The following ALDH1L2 variants were observed in gnomAD, a reference collection of about 807,000 sequenced individuals.
ALDH1L2 encodes aldehyde dehydrogenase 1 family member L2.
In ALDH1L2, 91 loss-of-function variants were observed where a neutral mutation model predicts 111.0. That is an observed-to-expected ratio of 0.82 (90% CI 0.69 to 0.98). ALDH1L2 has a LOEUF of 0.98. Among genes scored for constraint, ALDH1L2 ranks in the 50% least tolerant of loss-of-function variants. The pLI, the probability that ALDH1L2 is intolerant of heterozygous loss-of-function variation, is 0.00. For synonymous variants in ALDH1L2, 374 were observed against 392.6 expected (o/e 0.95, Z 0.56); for missense variants, 995 against 1,126.8 (o/e 0.88, Z 1.67).
chr12:105,063,166 C>T lies in ALDH1L2; in HGVS notation c.787-144G>A, dbSNP rs1241216827. 7.1e-6 allele frequency: 7 copies of T among 991,292 alleles called. No homozygotes were observed. In the South Asian group the frequency reaches 1.3e-4, roughly 18 times the overall value. The allele number at this position is 991,292 out of a possible 1,614,324, so 61.4% of individuals were successfully genotyped here. The stretch of plus-strand genomic sequence containing the variant: ...GAGACACCACAATGGGAGAAACTGT[C>T]TCAAACATCCATAGAAATGACACAA... On this transcript the variant is annotated intron_variant, in intron 6 of 22. Transcript: ENST00000258494.
chr12:105,029,065 C>T (rs1316154018), intron 21 of ALDH1L2, among the ~76,000 whole-genome samples: 2 of 143,956 alleles, frequency 1.4e-5, no homozygotes, highest in Non-Finnish European at 3.0e-5. Context: ...ATTGCTCTGT[C>T]GCCTAGGCTG....
intron 12 of ALDH1L2, among the ~76,000 whole-genome samples, chr12:105,051,672 A>G (rs1161926960): frequency 6.6e-6 from 1 of 152,232 alleles, no homozygotes; most frequent in Non-Finnish European, 1.5e-5. Context: ...GTCAAGTAAC[A>G]GAAGACATAT....
chr12:105,081,891 T>G (rs1878351565), intron 1 of ALDH1L2, among the ~76,000 whole-genome samples: 1 of 152,236 alleles, frequency 6.6e-6, no homozygotes, highest in Non-Finnish European at 1.5e-5. Context: ...TTTTTAAATT[T>G]TAAAGATAAA....
chr12:105,038,260 TCACACACACACACACACAAACA>T (rs1300636678), intron 17 of ALDH1L2, 58 bp from the exon 18 acceptor site: 12 of 584,236 alleles, frequency 2.1e-5, no homozygotes, highest in Admixed American at 2.6e-5. Context: ...TCTCTCTCTC[TCACACACACACACACACAAACA>T]CACACACACA....
chr12:105,053,188 CAG>C (rs1019257662), intron 10 of ALDH1L2, among the ~76,000 whole-genome samples: 8 of 152,182 alleles, frequency 5.3e-5, no homozygotes, highest in Admixed American at 2.6e-4. Context: ...TCTTTCTTAA[CAG>C]ATAAAAGGTA....
At chr12:105,065,548 A>G (rs1592799740) in intron 5 of ALDH1L2, among the ~76,000 whole-genome samples, 192 bp from the exon 6 acceptor site, 1 of 152,258 alleles carries the variant, frequency 6.6e-6, no homozygotes, top group East Asian at 1.9e-4. Flanking sequence ...ATTAAAGGAA[A>G]ATAAAAAGCA....
intron 15 of ALDH1L2, among the ~76,000 whole-genome samples, chr12:105,046,435 G>A (rs142161055): frequency 6.6e-6 from 1 of 151,198 alleles, no homozygotes; most frequent in Non-Finnish European, 1.5e-5. Context: ...CATTTTGCAA[G>A]AATTGAATTG....
intron 10 of ALDH1L2, among the ~76,000 whole-genome samples, chr12:105,057,668 A>G (rs917948627): frequency 2.0e-5 from 3 of 152,246 alleles, no homozygotes; most frequent in South Asian, 2.1e-4. Context: ...CACATGTTGT[A>G]TGATTCTATT....
intron 22 of ALDH1L2, among the ~76,000 whole-genome samples, chr12:105,025,238 C>T (rs548466624): frequency 8.5e-5 from 13 of 152,302 alleles, no homozygotes; most frequent in African/African-American, 3.1e-4. Flanking sequence ...TTTAAGACTC[C>T]TGACCCCACA....
chr12:105,077,963 G>A (rs1334736194), intron 1 of ALDH1L2, among the ~76,000 whole-genome samples: 3 of 152,148 alleles, frequency 2.0e-5, no homozygotes, highest in Non-Finnish European at 4.4e-5. Flanking sequence ...AGACCCTGAG[G>A]TGCCTAACAC....
intron 15 of ALDH1L2, among the ~76,000 whole-genome samples, chr12:105,046,305 C>T (rs1310750780): frequency 4.4e-5 from 6 of 137,904 alleles, no homozygotes; most frequent in Non-Finnish European, 9.1e-5. Flanking sequence ...GGCACGATCT[C>T]GGCTCATTGC....
At chr12:105,044,348 C>A (rs7313946) in intron 15 of ALDH1L2, among the ~76,000 whole-genome samples, 55,847 of 151,482 alleles carry the variant, frequency 0.37, 10,558 homozygotes, top group South Asian at 0.53. Flanking sequence ...AAAAACGTGA[C>A]GCTTTTAAGC....
chr12:105,025,552 G>T lies in ALDH1L2; in HGVS notation c.2716+993C>A, dbSNP rs555229441. 3.3e-5 allele frequency among the ~76,000 whole-genome samples: 5 copies of T among 152,222 alleles called. No homozygotes were observed. The East Asian group carries it at 7.7e-4, about 23-fold the overall frequency. ...CCAGATTAAAGACATGGAAAAGTTG[G>T]GGGGGAAGCCCTTACCTTCACCCAA... On this transcript the variant is annotated intron_variant, in intron 22 of 22. Transcript: ENST00000258494.
intron 15 of ALDH1L2, among the ~76,000 whole-genome samples, chr12:105,045,070 T>A (rs551567276): frequency 5.6e-4 from 85 of 151,374 alleles, no homozygotes; most frequent in Non-Finnish European, 9.9e-4. Flanking sequence ...TCATCTTACA[T>A]GATTGAAGTT....
chr12:105,048,503 C>T (rs1316627784), intron 13 of ALDH1L2: 4 of 152,174 alleles, frequency 2.6e-5, no homozygotes, highest in African/African-American at 7.2e-5. Context: ...TCACTTCCTT[C>T]TTTTTGCTGC....
At chr12:105,055,045 C>T (rs1876527877) in intron 10 of ALDH1L2, among the ~76,000 whole-genome samples, 1 of 152,224 alleles carries the variant, frequency 6.6e-6, no homozygotes, top group Non-Finnish European at 1.5e-5. Flanking sequence ...AAAGCTCTGA[C>T]ATATTCCTGG....
intron 13 of ALDH1L2, chr12:105,048,488 C>CT (rs1565958484): frequency 6.6e-6 from 1 of 152,160 alleles, no homozygotes; most frequent in African/African-American, 2.4e-5. Context: ...ACCACTCCCC[C>CT]TTTCTCACTT....
intron 18 of ALDH1L2, among the ~76,000 whole-genome samples, chr12:105,036,509 A>AT (rs1875117089): frequency 3.9e-5 from 3 of 77,286 alleles, no homozygotes; most frequent in African/African-American, 4.3e-5. Context: ...ATGTATATAT[A>AT]TATTTTATAT....
rs201837000 is a variant in ALDH1L2, at chr12:105,062,968, G to A, written c.841C>T (p.Pro281Ser). 86 of 1,613,908 alleles carry A rather than the reference G, an allele frequency of 5.3e-5. No homozygotes were observed. Among genetic ancestry groups the A allele is most frequent in the Non-Finnish European group, 5.1e-6 (6 of 1,180,014 alleles). Reference sequence around the variant, plus strand: ...TTCTTGGCACCTTTAATTTCCAGTGGTTCTCCAGGAGGCACAGAGCTATTC... The same window carrying A: ...TTCTTGGCACCTTTAATTTCCAGTGATTCTCCAGGAGGCACAGAGCTATTC... ...LLNSSVPPGE[P>S]LEIKGAKKPG... The change falls in exon 7 of 23, where the codon CCA (proline) becomes TCA (serine). Residue 281 changes from proline (P) to serine (S), a missense_variant. Pro to Ser is a moderately conservative substitution (Grantham distance 74). Transcript: ENST00000258494.
Sources: allele counts gnomAD v4.1 joint callset (sites outside exome capture counted in the v4.1 genomes callset), GRCh38; gene constraint gnomAD v4.1.1; transcripts MANE v1.5; gene names NCBI Gene and HGNC (gene_info 2026-07-23, HGNC 2026-07-21).